The following KCNH5 variants were observed in gnomAD, a reference collection of about 807,000 sequenced individuals.
KCNH5 encodes the protein potassium voltage-gated channel subfamily H member 5.
In KCNH5, 46 loss-of-function variants were observed where a neutral mutation model predicts 96.1. That is an observed-to-expected ratio of 0.48 (90% CI 0.38 to 0.61). KCNH5 has a LOEUF of 0.61. Ranked by LOEUF, KCNH5 falls within the 20% of genes least tolerant of loss-of-function variation. The probability of loss-of-function intolerance (pLI) is 0.00; values close to 1 mark genes in which losing one functional copy is unlikely to be tolerated. For synonymous variants in KCNH5, 439 were observed against 449.8 expected, an observed-to-expected ratio of 0.98 and a Z score of 0.30; for missense variants, 907 against 1,225.8, an observed-to-expected ratio of 0.74 and a Z score of 3.88.
intron 7 of KCNH5, among the ~76,000 whole-genome samples, chr14:62,915,287 C>T (rs1051026525): frequency 2.0e-5 from 3 of 152,178 alleles, no homozygotes; most frequent in Non-Finnish European, 2.9e-5. Flanking sequence ...TTCTTGAGAG[C>T]GGGGACTATA....
chr14:62,845,718 G>C (rs1047323064), intron 8 of KCNH5, among the ~76,000 whole-genome samples: 1 of 151,730 alleles, frequency 6.6e-6, no homozygotes, highest in South Asian at 2.1e-4. Flanking sequence ...CTGAAAGGTA[G>C]TGTTTCCGTT....
intron 2 of KCNH5, among the ~76,000 whole-genome samples, chr14:63,008,999 A>G (rs1429903107): frequency 1.3e-5 from 2 of 152,152 alleles, no homozygotes; most frequent in Admixed American, 6.5e-5. Flanking sequence ...AATTCAAGAT[A>G]AGGGCAATTA....
chr14:62,798,921 T>C (rs965869289), intron 9 of KCNH5, among the ~76,000 whole-genome samples: 1 of 152,152 alleles, frequency 6.6e-6, no homozygotes, highest in Non-Finnish European at 1.5e-5. Flanking sequence ...AACTGGCAAA[T>C]GTATCAGTGT....
intron 9 of KCNH5, among the ~76,000 whole-genome samples, chr14:62,780,454 T>G (rs886073218): frequency 6.6e-6 from 1 of 151,926 alleles, no homozygotes. Context: ...CCTCTCTACC[T>G]AGTCAACCTT....
At chr14:62,829,510 A>C (rs1887297885) in intron 8 of KCNH5, among the ~76,000 whole-genome samples, 1 of 152,188 alleles carries the variant, frequency 6.6e-6, no homozygotes, top group Non-Finnish European at 1.5e-5. Flanking sequence ...TACCACACAG[A>C]AGTCACCAAC....
At chr14:62,918,581 G>T (rs1889321003) in intron 7 of KCNH5, among the ~76,000 whole-genome samples, 1 of 152,020 alleles carries the variant, frequency 6.6e-6, no homozygotes, top group South Asian at 2.1e-4. Context: ...GGACATAGTA[G>T]GCAATTTGCA....
intron 3 of KCNH5, among the ~76,000 whole-genome samples, chr14:63,004,909 G>C (rs1263815736): frequency 6.6e-6 from 1 of 152,208 alleles, no homozygotes; most frequent in Non-Finnish European, 1.5e-5. Flanking sequence ...TTAAATGTCA[G>C]AGAGTGAATG....
At chr14:63,018,636 A>G (rs1409255886) in intron 1 of KCNH5, among the ~76,000 whole-genome samples, 1 of 152,062 alleles carries the variant, frequency 6.6e-6, no homozygotes, top group East Asian at 1.9e-4. Context: ...CCCTGGGACT[A>G]AAATAAAAAA....
At chr14:62,955,991 C>G (rs370072060) in intron 6 of KCNH5, among the ~76,000 whole-genome samples, 3 of 152,228 alleles carry the variant, frequency 2.0e-5, no homozygotes, top group Admixed American at 2.0e-4. Context: ...CACGCTGCAG[C>G]CTTCCTGTCC....
chr14:62,801,504 T>TC (rs1886659985), intron 9 of KCNH5, among the ~76,000 whole-genome samples: 1 of 145,452 alleles, frequency 6.9e-6, no homozygotes. Context: ...TGGCAATTTT[T>TC]TTTTTTTTTT....
intron 7 of KCNH5, among the ~76,000 whole-genome samples, chr14:62,862,116 C>A (rs1888047814): frequency 6.6e-6 from 1 of 152,114 alleles, no homozygotes; most frequent in East Asian, 1.9e-4. Context: ...AAAGAAGCAA[C>A]AAATACAGAA....
chr14:62,850,186 G>T (rs1426744260), intron 7 of KCNH5, among the ~76,000 whole-genome samples: 2 of 152,162 alleles, frequency 1.3e-5, no homozygotes, highest in Non-Finnish European at 2.9e-5. Flanking sequence ...AATTCTATTT[G>T]TTAGTAGATT....
At chr14:62,961,080 A>G (rs1890196910) in intron 6 of KCNH5, among the ~76,000 whole-genome samples, 1 of 152,174 alleles carries the variant, frequency 6.6e-6, no homozygotes, top group South Asian at 2.1e-4. Context: ...GAAGAGGTGT[A>G]TTGCCTAAAG....
chr14:62,707,387 A>G lies in KCNH5; in HGVS notation c.*121T>C, dbSNP rs937472932. The G allele has an allele frequency of 1.0e-4, 47 of 468,572 alleles. No individual in the cohort carries two copies. The highest frequency in any genetic ancestry group is 7.6e-4 in the African/African-American group (38 of 49,916). 29.0% of individuals were successfully genotyped at this position (468,572 alleles called of 1,614,324 possible). A position where few individuals can be genotyped will look rare whatever the true frequency, so the allele number is the denominator to read the frequency against. On this transcript the variant is annotated 3_prime_UTR_variant, in exon 11 of 11. Transcript: ENST00000322893. ...CCAGCTGGACATGCAATATTTACAT[A>G]TCAAAATCCATGTGTGGTCATCATC...
intron 6 of KCNH5, among the ~76,000 whole-genome samples, chr14:62,970,593 T>A (rs368755271): frequency 2.0e-5 from 3 of 152,194 alleles, no homozygotes; most frequent in East Asian, 3.8e-4. Context: ...ACAAAATGTT[T>A]TGTTAATATT....
intron 7 of KCNH5, 83 bp from the exon 8 acceptor site, chr14:62,849,935 G>C (rs1887771607): frequency 9.0e-7 from 1 of 1,108,788 alleles, no homozygotes; most frequent in Admixed American, 2.0e-5. Context: ...TGAATAATTT[G>C]ACAGAGACAT....
intron 7 of KCNH5, among the ~76,000 whole-genome samples, chr14:62,871,359 C>T (rs1485056413): frequency 6.6e-6 from 1 of 152,104 alleles, no homozygotes; most frequent in African/African-American, 2.4e-5. Flanking sequence ...GAAAAGCTTC[C>T]CAGAGGAGCA....
Position 62,712,536 on chromosome 14 carries a change from A to C in KCNH5, c.2020-4081T>G. ...AACTGTGTGTCCAGGATGCAAATCC[A>C]AGGGGTCAGATTCCAAACAGTCTTA... On this transcript the variant is annotated intron_variant, in intron 10 of 10. Coordinates refer to ENST00000322893, the MANE Select transcript of KCNH5 (RefSeq NM_139318.5). 5 of 660,302 alleles carry C rather than the reference A, an allele frequency of 7.6e-6. No homozygotes were observed. The Middle Eastern group carries it at 7.4e-4, about 98-fold the overall frequency. 40.9% of individuals were successfully genotyped at this position (660,302 alleles called of 1,614,324 possible).
chr14:62,938,959 A>G (rs1047686383), intron 7 of KCNH5, among the ~76,000 whole-genome samples: 2 of 152,258 alleles, frequency 1.3e-5, no homozygotes, highest in Non-Finnish European at 2.9e-5. Flanking sequence ...TTAGAAAAAC[A>G]TATTGGCTGT....
Sources: gnomAD v4.1 joint callset for allele counts (sites outside exome capture counted in the v4.1 genomes callset) on GRCh38, gnomAD v4.1.1 for gene constraint, MANE v1.5 for transcripts, NCBI Gene and HGNC (gene_info 2026-07-23, HGNC 2026-07-21) for gene names.